SUCLG2: variants seen among roughly 807,000 people sequenced by gnomAD.
SUCLG2 encodes the protein succinate-CoA ligase GDP-forming subunit beta.
Under a neutral mutation model 47.9 loss-of-function variants are expected in SUCLG2, and 42 were observed. That is an observed-to-expected ratio of 0.88 (90% CI 0.69 to 1.14). The LOEUF is 1.14. SUCLG2 is among the 50% of genes most tolerant of loss of function. The pLI, the probability that SUCLG2 is intolerant of heterozygous loss-of-function variation, is 0.00. For synonymous variants in SUCLG2, 195 were observed against 197.3 expected (o/e 0.99, Z 0.10); for missense variants, 571 against 525.9 (o/e 1.09, Z -0.84).
At position 67,511,770 on chromosome 3, in the gene SUCLG2, T is replaced by G. The variant is rs181796924; in HGVS notation, c.661-2867A>C. 5.1e-4 allele frequency among the ~76,000 whole-genome samples: 78 copies of G among 151,726 alleles called. 1 individual carries two copies. The East Asian group carries it at 7.7e-3, about 15-fold the overall frequency. On this transcript the variant is annotated intron_variant, in intron 6 of 10. Coordinates refer to ENST00000307227, the MANE Select transcript of SUCLG2 (RefSeq NM_003848.4). ...GAGTTTAAGAGACATCTTATTTTTT[T>G]TGTGTGAATTTTGCCTATTTTTCTA...
chr3:67,511,499 G>A (rs1354839453), intron 6 of SUCLG2, among the ~76,000 whole-genome samples: 1 of 152,032 alleles, frequency 6.6e-6, no homozygotes, highest in African/African-American at 2.4e-5. Flanking sequence ...TAAAGGGGGG[G>A]TTCCTCTGCA....
chr3:67,408,670 A>T (rs1480499013), intron 9 of SUCLG2: 2 of 1,122,554 alleles, frequency 1.8e-6, no homozygotes, highest in East Asian at 5.0e-5. Context: ...TAAATTCTTC[A>T]CTTTACTTAT....
chr3:67,459,277 T>C (rs1231101720), intron 9 of SUCLG2, among the ~76,000 whole-genome samples: 1 of 152,174 alleles, frequency 6.6e-6, no homozygotes, highest in East Asian at 1.9e-4. Context: ...TATTCTGAAA[T>C]AACAACATTC....
At chr3:67,581,880 A>G (rs1400829484) in intron 2 of SUCLG2, among the ~76,000 whole-genome samples, 1 of 152,236 alleles carries the variant, frequency 6.6e-6, no homozygotes, top group Non-Finnish European at 1.5e-5. Context: ...GTTAATCACC[A>G]GACATGCATT....
intron 2 of SUCLG2, among the ~76,000 whole-genome samples, chr3:67,607,784 G>C (rs970644558): frequency 6.6e-5 from 10 of 152,170 alleles, no homozygotes; most frequent in Admixed American, 5.2e-4. Context: ...ATGGTAGTGA[G>C]TAAGCCTCAC....
In SUCLG2 at chr3:67,518,324, T is replaced by A. The variant is rs776954233; in HGVS notation, c.583A>T (p.Ile195Phe). ...TGGCTGTCCTTTATTCCTTCAAAAA[T>A]GTCAATTTGCTCCTAGTAAAAATAA... Reference protein sequence around the residue: ...PELIFKEQIDIFEGIKDSQAQ... With the variant: ...PELIFKEQIDFFEGIKDSQAQ... The change falls in exon 6 of 11, where the codon ATT becomes TTT. Residue 195 changes from isoleucine to phenylalanine, a missense_variant. Transcript: ENST00000307227. 1 of 1,610,686 alleles carries A rather than the reference T, an allele frequency of 6.2e-7. No homozygotes were observed. The highest frequency in any genetic ancestry group is 8.5e-7 in the Non-Finnish European group (1 of 1,177,928).
chr3:67,373,278 CAGAG>C (rs1177703866), downstream of SUCLG2, among the ~76,000 whole-genome samples: 1 of 148,592 alleles, frequency 6.7e-6, no homozygotes, highest in Non-Finnish European at 1.5e-5. Flanking sequence ...TTTTTTTCCT[CAGAG>C]AGAAAACTGA....
intron 9 of SUCLG2, among the ~76,000 whole-genome samples, chr3:67,426,082 T>A (rs6769758): frequency 0.33 from 49,937 of 152,002 alleles, 8,466 homozygotes; most frequent in South Asian, 0.43. Flanking sequence ...CTGAGAGTAT[T>A]AGAGAATGCT....
intron 1 of SUCLG2, among the ~76,000 whole-genome samples, chr3:67,616,311 A>G (rs2122479): frequency 0.46 from 70,436 of 151,992 alleles, 16,763 homozygotes; most frequent in African/African-American, 0.56. Context: ...TGGTAGCACT[A>G]ATTATTCTAC....
intron 10 of SUCLG2, chr3:67,360,824 A>G (rs1258935276): frequency 7.3e-7 from 1 of 1,364,150 alleles, no homozygotes; most frequent in Non-Finnish European, 9.8e-7. Context: ...TATTTAGATG[A>G]ACAACAACAG....
chr3:67,520,250 A>G (rs1185002553), intron 5 of SUCLG2, among the ~76,000 whole-genome samples: 1 of 152,338 alleles, frequency 6.6e-6, no homozygotes, highest in African/African-American at 2.4e-5. Flanking sequence ...AGGCAGGAAG[A>G]AGTAAAGAAG....
chr3:67,574,133 C>T (rs1559578498), intron 2 of SUCLG2, among the ~76,000 whole-genome samples: 1 of 152,112 alleles, frequency 6.6e-6, no homozygotes, highest in Non-Finnish European at 1.5e-5. Context: ...GCTCAAATAC[C>T]TCCTCCTCCT....
intron 9 of SUCLG2, among the ~76,000 whole-genome samples, chr3:67,406,569 C>A (rs1702815297): frequency 6.6e-6 from 1 of 152,054 alleles, no homozygotes; most frequent in Non-Finnish European, 1.5e-5. Flanking sequence ...TATCTTAAGA[C>A]AACAGAATAC....
chr3:67,648,975 G>A (rs1701239771), intron 1 of SUCLG2, among the ~76,000 whole-genome samples: 1 of 152,166 alleles, frequency 6.6e-6, no homozygotes, highest in Non-Finnish European at 1.5e-5. Context: ...GAGCGGGGAA[G>A]ACGGCCAATG....
At chr3:67,435,761 C>T (rs913213338) in intron 9 of SUCLG2, among the ~76,000 whole-genome samples, 1 of 152,178 alleles carries the variant, frequency 6.6e-6, no homozygotes, top group African/African-American at 2.4e-5. Context: ...ACAGACAAGA[C>T]AACATTATAT....
At chr3:67,461,858 C>A (rs1367464833) in intron 9 of SUCLG2, among the ~76,000 whole-genome samples, 6 of 151,970 alleles carry the variant, frequency 3.9e-5, no homozygotes, top group Non-Finnish European at 2.9e-5. Flanking sequence ...AAAGGGATAA[C>A]AGGCAGGCAA....
At chr3:67,514,869 T>C (rs1239798579) in intron 6 of SUCLG2, among the ~76,000 whole-genome samples, 1 of 152,108 alleles carries the variant, frequency 6.6e-6, no homozygotes, top group African/African-American at 2.4e-5. Flanking sequence ...TTCTAAAAGG[T>C]TGTGGTGAAA....
At chr3:67,483,771 G>A (rs1704978060) in intron 9 of SUCLG2, among the ~76,000 whole-genome samples, 1 of 152,138 alleles carries the variant, frequency 6.6e-6, no homozygotes, top group East Asian at 1.9e-4. Flanking sequence ...TCACAAAGGG[G>A]TCTTTGCAGA....
intron 9 of SUCLG2, among the ~76,000 whole-genome samples, chr3:67,481,574 T>G (rs1251190000): frequency 1.3e-5 from 2 of 152,232 alleles, no homozygotes; most frequent in Non-Finnish European, 2.9e-5. Context: ...TAAAAATTGT[T>G]GTCAACACTG....
Sources: allele counts gnomAD v4.1 joint callset (sites outside exome capture counted in the v4.1 genomes callset), GRCh38; gene constraint gnomAD v4.1.1; transcripts MANE v1.5; gene names NCBI Gene and HGNC (gene_info 2026-07-23, HGNC 2026-07-21).